The following VTCN1 variants were observed in gnomAD, a reference collection of about 807,000 sequenced individuals.
VTCN1 encodes the protein V-set domain-containing T-cell activation inhibitor 1.
A neutral mutation model predicts 26.5 loss-of-function variants in VTCN1; 26 were observed. That is an observed-to-expected ratio of 0.98 (90% CI 0.72 to 1.36). The LOEUF (loss-of-function observed/expected upper bound fraction) is 1.36. Ranked by LOEUF, VTCN1 falls within the 40% of genes most tolerant of loss-of-function variation. The pLI is 0.00. For synonymous variants in VTCN1, 116 were observed against 130.7 expected (o/e 0.89, Z 0.77); for missense variants, 298 against 337.7 (o/e 0.88, Z 0.92).
chr1:117,168,067 C>T (rs544730075), intron 2 of VTCN1, among the ~76,000 whole-genome samples: 5 of 151,546 alleles, frequency 3.3e-5, no homozygotes, highest in African/African-American at 4.9e-5. Context: ...AATATTAGAA[C>T]GAAACAGGCT....
At chr1:117,204,888 C>A (rs903559618) in intron 1 of VTCN1, among the ~76,000 whole-genome samples, 2 of 151,566 alleles carry the variant, frequency 1.3e-5, no homozygotes, top group Non-Finnish European at 2.9e-5. Flanking sequence ...AAAGAAAAAA[C>A]CCTGTTCTAC....
Position 117,147,907 on chromosome 1 carries a change from T to C in VTCN1, c.725-125A>G, listed in dbSNP as rs999040057. 1 of 1,318,936 alleles carries C rather than the reference T, an allele frequency of 7.6e-7. No homozygotes were observed. Among genetic ancestry groups the C allele is most frequent in the Non-Finnish European group, 1.0e-6 (1 of 971,840 alleles). The allele number at this position is 1,318,936 out of a possible 1,614,324, so 81.7% of individuals were successfully genotyped here. ...GTTGTTCCTAATTCAGGCAATTTTT[T>C]ACCCCTTTGCCCACCTCTCCGTAAC... On this transcript the variant is annotated intron_variant, in intron 4 of 5. Coordinates refer to ENST00000369458, the MANE Select transcript of VTCN1 (RefSeq NM_024626.4). This position sits in a 1 kb window ranked among gnomAD's most constrained non-coding sequence, Gnocchi z 4.6.
At position 117,167,756 on chromosome 1, in the gene VTCN1, C is replaced by T. The variant is rs1011088944; in HGVS notation, c.97+2351G>A. 6.6e-6 allele frequency among the ~76,000 whole-genome samples: 1 copy of T among 151,882 alleles called. No individual in the cohort carries two copies. Among genetic ancestry groups the T allele is most frequent in the Admixed American group, 6.6e-5 (1 of 15,264 alleles). On this transcript the variant is annotated intron_variant, in intron 2 of 5. Transcript: ENST00000369458. This position sits in a 1 kb window ranked among gnomAD's most constrained non-coding sequence, Gnocchi z 4.1. ...CCTTGTGAGCTGCTTTATTTTGAGA[C>T]AGTAGAAAAAGAATTGAAAGATGGC...
At chr1:117,205,053 ATATATATG>A (rs1304059855) in intron 1 of VTCN1, among the ~76,000 whole-genome samples, 20 of 146,822 alleles carry the variant, frequency 1.4e-4, no homozygotes, top group African/African-American at 4.4e-4. Flanking sequence ...CTGTATATGT[ATATATATG>A]TATATATGTA....
chr1:117,162,888 C>T (rs1048879795), intron 2 of VTCN1, among the ~76,000 whole-genome samples: 1 of 152,080 alleles, frequency 6.6e-6, no homozygotes, highest in Non-Finnish European at 1.5e-5. Context: ...CTGGGGCAGC[C>T]CACAGCGCTG....
intron 1 of VTCN1, 85 bp from the exon 2 acceptor site, chr1:117,170,256 G>T (rs776126783): frequency 7.8e-7 from 1 of 1,275,782 alleles, no homozygotes. Context: ...AATCTGTTGT[G>T]GATAAGATGA....
chr1:117,208,967 G>GTA (rs1649230474), intron 1 of VTCN1, among the ~76,000 whole-genome samples: 2 of 152,174 alleles, frequency 1.3e-5, no homozygotes, highest in Non-Finnish European at 2.9e-5. Context: ...AAAGGAAGAG[G>GTA]GTTATTAGGG....
intron 2 of VTCN1, among the ~76,000 whole-genome samples, chr1:117,163,747 A>T (rs1652481009): frequency 6.6e-6 from 1 of 152,172 alleles, no homozygotes; most frequent in African/African-American, 2.4e-5. Flanking sequence ...CCAGGGCCAG[A>T]TTGAGACATG....
At chr1:117,174,223 A>G (rs1241104173) in intron 1 of VTCN1, among the ~76,000 whole-genome samples, 1 of 152,206 alleles carries the variant, frequency 6.6e-6, no homozygotes, top group African/African-American at 2.4e-5. Flanking sequence ...TGGGATTCAC[A>G]GTGTACTTTT....
At chr1:117,152,072 G>A (rs4268345) in intron 4 of VTCN1, among the ~76,000 whole-genome samples, 7,872 of 152,098 alleles carry the variant, frequency 0.052, 670 homozygotes, top group African/African-American at 0.18. Flanking sequence ...TTTTGTTGTT[G>A]TTGAGTTGTA....
intron 2 of VTCN1, 38 bp downstream of exon 2, chr1:117,170,069 G>T (rs756245266): frequency 6.3e-7 from 1 of 1,578,558 alleles, no homozygotes; most frequent in South Asian, 1.1e-5. Context: ...TTAATGGTGA[G>T]GGGTGAATAG....
chr1:117,156,491 C>T, intron 3 of VTCN1, 83 bp downstream of exon 3: 7 of 1,379,534 alleles, frequency 5.1e-6, no homozygotes, highest in Non-Finnish European at 6.8e-6. Context: ...ATATTGGTCA[C>T]AACATATTTC....
intron 1 of VTCN1, chr1:117,173,231 C>T: frequency 1.4e-6 from 1 of 713,664 alleles, no homozygotes; most frequent in Non-Finnish European, 2.6e-6. Context: ...AGACCATGAA[C>T]CCACCAGAAG....
At chr1:117,163,512 G>A (rs1269681859) in intron 2 of VTCN1, among the ~76,000 whole-genome samples, 2 of 152,148 alleles carry the variant, frequency 1.3e-5, no homozygotes, top group Non-Finnish European at 2.9e-5. Context: ...AGAGCCCCAG[G>A]AGGTAAGGAA....
rs574741138 is a variant in VTCN1, at chr1:117,181,923, A to C, written c.33-11752T>G. The stretch of plus-strand genomic sequence containing the variant: ...GGCCTGACAGGGAGAGTGAGCTGTA[A>C]TCTAGATTACCTTTGCAACACCCTA... On this transcript the variant is annotated intron_variant, in intron 1 of 5. Coordinates refer to ENST00000369458, the MANE Select transcript of VTCN1 (RefSeq NM_024626.4). Among the ~76,000 whole-genome samples, 6 of 152,236 alleles carry C rather than the reference A, an allele frequency of 3.9e-5. 1 individual carries two copies. In the South Asian group the frequency reaches 1.2e-3, roughly 32 times the overall value.
chr1:117,158,383 C>T (rs943410572), intron 2 of VTCN1, among the ~76,000 whole-genome samples: 1 of 152,230 alleles, frequency 6.6e-6, no homozygotes, highest in South Asian at 2.1e-4. Context: ...GACTTCTGTG[C>T]ACTCACAGGC....
chr1:117,205,157 T>TATAGAGAG lies in VTCN1; in HGVS notation c.32+5666_32+5667insCTCTCTAT, dbSNP rs112844786. Reference sequence around the variant, plus strand: ...ATATATATATTTTTATATATATATATAGAGAGAGAGAGAGAGAGAGGGGGG... The same window carrying TATAGAGAG: ...ATATATATATTTTTATATATATATATATAGAGAGAGAGAGAGAGAGAGAGAGAGGGGGG... On this transcript the variant is annotated intron_variant, in intron 1 of 5. Transcript: ENST00000369458. 4.3e-5 allele frequency among the ~76,000 whole-genome samples: 6 copies of TATAGAGAG among 137,994 alleles called. No homozygotes were observed. In the East Asian group the frequency reaches 8.3e-4, roughly 19 times the overall value. 90.5% of individuals were successfully genotyped at this position (137,994 alleles called of 152,430 possible).
At chr1:117,184,145 A>G (rs1647811938) in intron 1 of VTCN1, among the ~76,000 whole-genome samples, 1 of 152,116 alleles carries the variant, frequency 6.6e-6, no homozygotes, top group African/African-American at 2.4e-5. Context: ...TTCAGGGAAT[A>G]TATATTTTTT....
At position 117,160,040 on chromosome 1, in the gene VTCN1, G is replaced by A. The variant is rs78341421; in HGVS notation, c.98-3119C>T. ...GGGCTGCTGACTGAGGACACCTATTGGGGTGATTTAATTAACTGAATCTTC... is the reference window on the plus strand; with the variant it reads ...GGGCTGCTGACTGAGGACACCTATTAGGGTGATTTAATTAACTGAATCTTC... On this transcript the variant is annotated intron_variant, in intron 2 of 5. Transcript: ENST00000369458. Among the ~76,000 whole-genome samples, 322 of 152,250 alleles carry A rather than the reference G, an allele frequency of 2.1e-3. 8 individuals are homozygous for A. The East Asian group carries it at 0.054, about 26-fold the overall frequency.
Sources: allele counts gnomAD v4.1 joint callset (sites outside exome capture counted in the v4.1 genomes callset), GRCh38; gene constraint gnomAD v4.1.1; non-coding constraint Gnocchi (gnomAD v3.1); transcripts MANE v1.5; gene names NCBI Gene and HGNC (gene_info 2026-07-23, HGNC 2026-07-21).